NUP85: variants seen among roughly 807,000 people sequenced by gnomAD.
NUP85 encodes nucleoporin 85, also known as nuclear pore complex protein Nup85.
Under a neutral mutation model 92.8 loss-of-function variants are expected in NUP85, and 23 were observed. The observed-to-expected ratio is 0.25, with a 90% CI of 0.18 to 0.35. NUP85 has a LOEUF of 0.35. Ranked by LOEUF, NUP85 falls within the 10% of genes least tolerant of loss-of-function variation. NUP85 has a pLI of 1.00. For synonymous variants in NUP85, 314 were observed against 306.9 expected (o/e 1.02, Z -0.24); for missense variants, 759 against 822.8 (o/e 0.92, Z 0.95).
At chr17:75,220,248 C>T (rs2075558544) in intron 7 of NUP85, among the ~76,000 whole-genome samples, 1 of 151,476 alleles carries the variant, frequency 6.6e-6, no homozygotes, top group South Asian at 2.1e-4. Flanking sequence ...CCTCAGCCTC[C>T]TGAGTAGCTG....
At chr17:75,229,199 G>C in intron 11 of NUP85, 4 of 980,808 alleles carry the variant, frequency 4.1e-6, no homozygotes, top group Non-Finnish European at 4.8e-6. Flanking sequence ...AGAATCTTCT[G>C]ACTTGTATTT....
intron 5 of NUP85, 86 bp downstream of exon 5, chr17:75,213,205 T>A (rs1397633786): frequency 1.7e-6 from 2 of 1,161,502 alleles, no homozygotes; most frequent in East Asian, 2.4e-5. Flanking sequence ...GTTCCTGTTA[T>A]GGCAGAAGTC....
In NUP85 at chr17:75,225,762, T is replaced by G; in HGVS notation, c.920T>G (p.Phe307Cys). The G allele has an allele frequency of 6.2e-7, 1 of 1,614,108 alleles. No homozygotes were observed. Among genetic ancestry groups the G allele is most frequent in the South Asian group, 1.1e-5 (1 of 91,084 alleles). Residue 307 changes from phenylalanine to cysteine, a missense_variant, in exon 10 of 19, where the codon TTC (phenylalanine) becomes TGC (cysteine). Coordinates refer to ENST00000245544, the MANE Select transcript of NUP85 (RefSeq NM_024844.5). ...QKELLSNWYH[F>C]LVTRLLYSNP... ...GAACTTCTGAGTAATTGGTATCATT[T>G]CCTAGTGACTCGGCTCTTGTACTCC...
At chr17:75,223,861 C>A (rs1426471688) in intron 7 of NUP85, among the ~76,000 whole-genome samples, 1 of 151,930 alleles carries the variant, frequency 6.6e-6, no homozygotes, top group Non-Finnish European at 1.5e-5. Context: ...AGAGAAAAAC[C>A]ATTTTCTCAA....
At chr17:75,235,030 A>G (rs986093968) in intron 17 of NUP85, 70 bp from the exon 18 acceptor site, 22 of 1,280,800 alleles carry the variant, frequency 1.7e-5, no homozygotes, top group East Asian at 9.3e-5. Flanking sequence ...ACGTCCGAAC[A>G]TGGGCCCCTG....
chr17:75,231,224 G>A lies in NUP85; in HGVS notation c.1095-116G>A, dbSNP rs559739427. 714 of 962,822 alleles carry A rather than the reference G, an allele frequency of 7.4e-4. No individual in the cohort carries two copies. The highest frequency in any genetic ancestry group is 6.8e-3 in the African/African-American group (424 of 62,690). 59.6% of individuals were successfully genotyped at this position (962,822 alleles called of 1,614,324 possible). A position where few individuals can be genotyped will look rare whatever the true frequency, so the allele number is the denominator to read the frequency against. On this transcript the variant is annotated intron_variant, in intron 11 of 18. Transcript: ENST00000245544. This position sits in a 1 kb window ranked among gnomAD's most constrained non-coding sequence, Gnocchi z 4.6. ...GATCACGGGCATGAGCTATCATCAC[G>A]CCCGGCCCCATCTCTTTGAGGGACA...
At chr17:75,208,396 G>T in intron 1 of NUP85, 131 bp from the exon 2 acceptor site, 1 of 674,894 alleles carries the variant, frequency 1.5e-6, no homozygotes, top group South Asian at 1.8e-5. Context: ...AGCAAGCTGA[G>T]ATTACACCAC....
chr17:75,208,432 CTT>C (rs1360049332), intron 1 of NUP85, 93 bp from the exon 2 acceptor site: 1 of 698,212 alleles, frequency 1.4e-6, no homozygotes, highest in African/African-American at 2.9e-5. Context: ...TAGAGTGAGT[CTT>C]TGTCTCAAAA....
At chr17:75,214,232 T>C (rs1365736657) in intron 5 of NUP85, among the ~76,000 whole-genome samples, 1 of 152,162 alleles carries the variant, frequency 6.6e-6, no homozygotes, top group African/African-American at 2.4e-5. Context: ...CAGTAGATGC[T>C]TCATATTAGA....
intron 7 of NUP85, among the ~76,000 whole-genome samples, chr17:75,221,036 C>T (rs2075584159): frequency 6.6e-6 from 1 of 151,876 alleles, no homozygotes; most frequent in African/African-American, 2.4e-5. Flanking sequence ...CGCCTGCCAC[C>T]ACGCCTGGCT....
rs552915306 is a variant in NUP85 at position 75,234,899 on chromosome 17, C to T, written c.1767+111C>T. 117 of 1,344,908 alleles carry T rather than the reference C, an allele frequency of 8.7e-5. No homozygotes were observed. The African/African-American group carries it at 1.4e-3, about 17-fold the overall frequency. The allele number at this position is 1,344,908 out of a possible 1,614,324, so 83.3% of individuals were successfully genotyped here. A position where few individuals can be genotyped will look rare whatever the true frequency, so the allele number is the denominator to read the frequency against. ...CCTCCTTTGTCGTTCTGCCTGTGCG[C>T]GTGTATTCCCCTTAGCGCCCTCTCT... On this transcript the variant is annotated intron_variant, in intron 17 of 18. Transcript: ENST00000245544.
At position 75,234,759 on chromosome 17, in the gene NUP85, G is replaced by T; in HGVS notation, c.1738G>T (p.Asp580Tyr). 6.2e-7 allele frequency: 1 copy of T among 1,614,192 alleles called. No individual in the cohort carries two copies. The highest frequency in any genetic ancestry group is 8.5e-7 in the Non-Finnish European group (1 of 1,180,044). The change falls in exon 17 of 19, where the codon GAC becomes TAC. Residue 580 changes from aspartate to tyrosine, a missense_variant. Physicochemically the swap from Asp to Tyr is radical, Grantham distance 160. Transcript: ENST00000245544. Reference sequence around the variant, plus strand: ...GTCTTTCTGGATGACTCTGCTGACAGACGCCTTGCCCCTTTTGGAACAGAA... The same window carrying T: ...GTCTTTCTGGATGACTCTGCTGACATACGCCTTGCCCCTTTTGGAACAGAA... ...PRSFWMTLLT[D>Y]ALPLLEQKQV...
At position 75,225,805 on chromosome 17, in the gene NUP85, C is replaced by T; in HGVS notation, c.963C>T (p.Pro321=). 2 of 1,613,228 alleles carry T rather than the reference C, an allele frequency of 1.2e-6. No individual in the cohort carries two copies. The highest frequency in any genetic ancestry group is 1.7e-6 in the Non-Finnish European group (2 of 1,179,534). ...RLLYSNPTVK[P]IDLHYYAQSS... is the part of the protein sequence containing the mutation. ...TGTACTCCAATCCCACAGTAAAACC[C>T]ATTGATCTGCACTACTATGCCCAGG... Residue 321 remains proline (P), a synonymous_variant, in exon 10 of 19, where the codon CCC becomes CCT. Coordinates refer to ENST00000245544, the MANE Select transcript of NUP85 (RefSeq NM_024844.5).
chr17:75,223,641 G>A (rs2075663764), intron 7 of NUP85, among the ~76,000 whole-genome samples: 1 of 152,096 alleles, frequency 6.6e-6, no homozygotes, highest in Non-Finnish European at 1.5e-5. Flanking sequence ...ACCCGTCTCG[G>A]CCTCCCAAAG....
rs1329649632 is a variant in NUP85, at chr17:75,231,709, T to C, written c.1244+71T>C. The C allele has an allele frequency of 1.2e-5, 20 of 1,605,008 alleles. No homozygotes were observed. The highest frequency in any genetic ancestry group is 1.7e-5 in the Non-Finnish European group (20 of 1,172,282). ...ATGCGGGTGCCATTGGAGCTTGGAC[T>C]GTTCTCTCCCAGTTGGCTCCTTGAA... On this transcript the variant is annotated intron_variant, in intron 13 of 18. Transcript: ENST00000245544. This position sits in a 1 kb window ranked among gnomAD's most constrained non-coding sequence, Gnocchi z 4.6.
chr17:75,225,218 G>C lies in NUP85; in HGVS notation c.713G>C (p.Arg238Thr), dbSNP rs768972466. Residue 238 changes from arginine to threonine, a missense_variant, in exon 8 of 19, where the codon AGG becomes ACG. Transcript: ENST00000245544. The part of the protein sequence containing the change: ...GICRIMGDLM[R>T]TMPILSPGNT... ...TGCCGAATCATGGGGGACCTGATGA[G>C]GACAATGCCCATTCTTAGTGTACGT... 1 of 1,607,554 alleles carries C rather than the reference G, an allele frequency of 6.2e-7. No homozygotes were observed. Among genetic ancestry groups the C allele is most frequent in the African/African-American group, 1.3e-5 (1 of 74,958 alleles).
Position 75,225,208 on chromosome 17 carries a change from G to C in NUP85, c.703G>C (p.Asp235His). Reference sequence around the variant, plus strand: ...TGCAGGCATATGCCGAATCATGGGGGACCTGATGAGGACAATGCCCATTCT... The same window carrying C: ...TGCAGGCATATGCCGAATCATGGGGCACCTGATGAGGACAATGCCCATTCT... ...ASAGICRIMG[D>H]LMRTMPILSP... is the part of the protein sequence containing the mutation. Residue 235 changes from aspartate to histidine, a missense_variant, in exon 8 of 19, where the codon GAC (aspartate) becomes CAC (histidine). Asp to His is a moderately conservative substitution (Grantham distance 81). Coordinates refer to ENST00000245544, the MANE Select transcript of NUP85 (RefSeq NM_024844.5). 1 of 1,608,814 alleles carries C rather than the reference G, an allele frequency of 6.2e-7. No homozygotes were observed. The highest frequency in any genetic ancestry group is 8.5e-7 in the Non-Finnish European group (1 of 1,176,638).
Position 75,231,611 on chromosome 17 carries a change from A to G in NUP85, c.1217A>G (p.Tyr406Cys). Reference sequence around the variant, plus strand: ...ATGAGAGAGTTCCTCCTGCTGGAGTACGCCTCGGGACTGTTTGCTCATCCC... The same window carrying G: ...ATGAGAGAGTTCCTCCTGCTGGAGTGCGCCTCGGGACTGTTTGCTCATCCC... ...SNMREFLLLE[Y>C]ASGLFAHPSL... Residue 406 changes from tyrosine to cysteine, a missense_variant, in exon 13 of 19, where the codon TAC becomes TGC. Physicochemically the swap from Tyr to Cys is radical, Grantham distance 194. Transcript: ENST00000245544. This position sits in a 1 kb window ranked among gnomAD's most constrained non-coding sequence, Gnocchi z 4.6. 6.2e-7 allele frequency: 1 copy of G among 1,614,196 alleles called. No homozygotes were observed.
chr17:75,213,026 A>G lies in NUP85; in HGVS notation c.362-50A>G, dbSNP rs1440677395. 8.3e-6 allele frequency: 13 copies of G among 1,565,956 alleles called. No homozygotes were observed. The East Asian group carries it at 1.1e-4, about 14-fold the overall frequency. On this transcript the variant is annotated intron_variant, in intron 4 of 18. Coordinates refer to ENST00000245544, the MANE Select transcript of NUP85 (RefSeq NM_024844.5). ...GACCCTGGAATATTCAGCTATGACA[A>G]TAAGCCTAAGAGTTCCATTGCTCAC...
Sources: gnomAD v4.1 joint callset for allele counts (sites outside exome capture counted in the v4.1 genomes callset) on GRCh38, gnomAD v4.1.1 for gene constraint, Gnocchi (gnomAD v3.1) non-coding constraint, MANE v1.5 for transcripts, NCBI Gene and HGNC (gene_info 2026-07-23, HGNC 2026-07-21) for gene names.